SRGAP2C: variants seen among roughly 807,000 people sequenced by gnomAD.
SRGAP2C encodes the protein SLIT-ROBO Rho GTPase activating protein 2C.
SRGAP2C carries 15 observed loss-of-function variants against 25.1 expected under a neutral mutation model. The ratio of observed to expected loss-of-function variants is 0.60; its 90% CI spans 0.40 to 0.92. SRGAP2C has a LOEUF of 0.92. Ranked by LOEUF, SRGAP2C falls within the 40% of genes least tolerant of loss-of-function variation. The pLI is 0.00. For missense variants in SRGAP2C, 144 were observed against 264.4 expected, an observed-to-expected ratio of 0.54 and a Z score of 3.16; for synonymous variants, 44 against 96.6, an observed-to-expected ratio of 0.46 and a Z score of 3.19.
At position 121,201,662 on chromosome 1, in the gene SRGAP2C, T is replaced by C. The variant is rs587686219; in HGVS notation, c.67+14149T>C. On this transcript the variant is annotated intron_variant, in intron 2 of 9. Transcript: ENST00000367123. ...TTAATGTAAAATGATCTCATGTTTA[T>C]GAGAGCTGGAATTACTTGGGAGGGA... Among the ~76,000 whole-genome samples, 121 of 152,376 alleles carry C rather than the reference T, an allele frequency of 7.9e-4. 1 individual carries two copies. Among genetic ancestry groups the C allele is most frequent in the African/African-American group, 2.8e-3 (115 of 41,594 alleles).
At chr1:121,375,543 G>GGT (rs1659621633) in intron 7 of SRGAP2C, among the ~76,000 whole-genome samples, 1 of 149,526 alleles carries the variant, frequency 6.7e-6, no homozygotes, top group Non-Finnish European at 1.5e-5. Flanking sequence ...AAGCTGATCT[G>GGT]GAACTCCTCA....
intron 8 of SRGAP2C, among the ~76,000 whole-genome samples, chr1:121,385,988 C>T (rs1294111449): frequency 1.4e-5 from 2 of 145,260 alleles, no homozygotes; most frequent in South Asian, 2.3e-4. Context: ...GCATAGGCAA[C>T]GAACTTGTTC....
chr1:121,211,113 C>G (rs1240603473), intron 2 of SRGAP2C, among the ~76,000 whole-genome samples: 2 of 150,566 alleles, frequency 1.3e-5, no homozygotes, highest in African/African-American at 4.9e-5. Flanking sequence ...GGATCCTTCT[C>G]TTCAACCTGA....
chr1:121,187,773 C>T (rs587724722), intron 2 of SRGAP2C, among the ~76,000 whole-genome samples: 1 of 152,166 alleles, frequency 6.6e-6, no homozygotes, highest in South Asian at 2.1e-4. Context: ...GCCCTTTCCC[C>T]CCAAGCCGGA....
chr1:121,259,777 C>A (rs1430581311), intron 2 of SRGAP2C, among the ~76,000 whole-genome samples: 7 of 148,514 alleles, frequency 4.7e-5, no homozygotes, highest in South Asian at 2.1e-4. Flanking sequence ...CAGTAAGGAG[C>A]ATCAAGAATG....
intron 5 of SRGAP2C, among the ~76,000 whole-genome samples, chr1:121,367,130 T>A (rs587739661): frequency 6.6e-6 from 1 of 151,980 alleles, no homozygotes; most frequent in East Asian, 1.9e-4. Context: ...ATCTTCCCAT[T>A]GATGTTCAAA....
At chr1:121,202,266 TTGA>T (rs1197648784) in intron 2 of SRGAP2C, among the ~76,000 whole-genome samples, 1 of 152,290 alleles carries the variant, frequency 6.6e-6, no homozygotes, top group Non-Finnish European at 1.5e-5. Context: ...GAGGAGGCTA[TTGA>T]TGAAACTTTC....
At chr1:121,359,461 C>T (rs1570806734) in intron 4 of SRGAP2C, among the ~76,000 whole-genome samples, 2 of 151,114 alleles carry the variant, frequency 1.3e-5, no homozygotes, top group African/African-American at 2.4e-5. Context: ...GGAAACATCA[C>T]GAGACTCCAT....
intron 2 of SRGAP2C, among the ~76,000 whole-genome samples, chr1:121,191,885 G>A (rs1173821540): frequency 3.4e-5 from 5 of 146,744 alleles, no homozygotes; most frequent in South Asian, 2.1e-4. Context: ...GAGAACATTA[G>A]GGGTCTTGTC....
chr1:121,192,410 G>A (rs1654712471), intron 2 of SRGAP2C, among the ~76,000 whole-genome samples: 1 of 151,894 alleles, frequency 6.6e-6, no homozygotes, highest in Non-Finnish European at 1.5e-5. Context: ...CTCTGCAGCA[G>A]TAAGGTGAAC....
intron 2 of SRGAP2C, among the ~76,000 whole-genome samples, chr1:121,237,857 A>T (rs1164155955): frequency 1.6e-5 from 2 of 124,542 alleles, no homozygotes; most frequent in African/African-American, 6.4e-5. Context: ...TAAAGGGCTA[A>T]TGGAAATTCT....
chr1:121,313,965 G>A (rs1553340269), intron 3 of SRGAP2C, among the ~76,000 whole-genome samples: 1 of 141,494 alleles, frequency 7.1e-6, no homozygotes, highest in East Asian at 2.1e-4. Context: ...GAATCTGAAC[G>A]TTGGCCTGCC....
At chr1:121,201,372 C>G (rs1261290984) in intron 2 of SRGAP2C, among the ~76,000 whole-genome samples, 1 of 145,992 alleles carries the variant, frequency 6.8e-6, no homozygotes, top group African/African-American at 2.6e-5. Context: ...CTGGTTACTT[C>G]TTTCTAAGAG....
chr1:121,268,255 G>A (rs1375016697), intron 2 of SRGAP2C, among the ~76,000 whole-genome samples: 9 of 151,188 alleles, frequency 6.0e-5, no homozygotes, highest in Non-Finnish European at 1.0e-4. Context: ...TGAAGTGAGA[G>A]AGCTAACCAC....
chr1:121,292,272 G>GT (rs1205139148), intron 3 of SRGAP2C, among the ~76,000 whole-genome samples: 1 of 147,728 alleles, frequency 6.8e-6, no homozygotes, highest in Non-Finnish European at 1.5e-5. Context: ...CAGCACTTTT[G>GT]TTTTTCCATT....
chr1:121,348,114 TC>T (rs1658799390), intron 4 of SRGAP2C, among the ~76,000 whole-genome samples: 1 of 91,414 alleles, frequency 1.1e-5, no homozygotes. Context: ...TCCTTGGGGC[TC>T]CCCAAGAAGA....
intron 3 of SRGAP2C, among the ~76,000 whole-genome samples, chr1:121,308,570 G>C (rs1216329529): frequency 6.6e-6 from 1 of 151,062 alleles, no homozygotes; most frequent in East Asian, 2.0e-4. Context: ...GAGCCCAGGA[G>C]TTTGAGGCTA....
intron 3 of SRGAP2C, among the ~76,000 whole-genome samples, chr1:121,308,675 A>G (rs1170182707): frequency 2.6e-5 from 4 of 151,870 alleles, no homozygotes; most frequent in African/African-American, 9.7e-5. Flanking sequence ...GCGGTGGTTC[A>G]CACCTGTAAT....
At chr1:121,288,779 T>C (rs1356410907) in intron 3 of SRGAP2C, among the ~76,000 whole-genome samples, 1,251 of 40,302 alleles carry the variant, frequency 0.031, 13 homozygotes, top group African/African-American at 0.11. Flanking sequence ...CACTCACAAA[T>C]CTTGAGCTAA....
Sources: gnomAD v4.1 joint callset for allele counts (sites outside exome capture counted in the v4.1 genomes callset) on GRCh38, gnomAD v4.1.1 for gene constraint, MANE v1.5 for transcripts, NCBI Gene and HGNC (gene_info 2026-07-23, HGNC 2026-07-21) for gene names.